Variants in ABHD12 observed in about 807,000 individuals in gnomAD.
ABHD12 encodes abhydrolase domain containing 12, lysophospholipase, also known as lysophosphatidylserine lipase ABHD12.
Under a neutral mutation model 58.3 loss-of-function variants are expected in ABHD12, and 43 were observed. That is an observed-to-expected ratio of 0.74 (90% CI 0.58 to 0.95). The LOEUF (loss-of-function observed/expected upper bound fraction) is 0.95, where lower values mean the gene tolerates loss of function less well. Among genes scored for constraint, ABHD12 ranks in the 40% least tolerant of loss-of-function variants. The probability of loss-of-function intolerance (pLI) is 0.00; values close to 1 mark genes in which losing one functional copy is unlikely to be tolerated. For synonymous variants in ABHD12, 219 were observed against 211.2 expected (o/e 1.04, Z -0.32); for missense variants, 539 against 537.2 (o/e 1.00, Z -0.03).
chr20:25,353,495 T>C (rs941151369), intron 1 of ABHD12, among the ~76,000 whole-genome samples: 3 of 152,192 alleles, frequency 2.0e-5, no homozygotes, highest in African/African-American at 7.2e-5. Context: ...TGGTTATTTA[T>C]GCAGCACTCA....
At chr20:25,299,066 C>T (rs984426099), downstream of ABHD12, among the ~76,000 whole-genome samples, 6 of 141,148 alleles carry the variant, frequency 4.3e-5, no homozygotes, top group African/African-American at 1.7e-4. Context: ...CACAGTGCAC[C>T]CTTCTCGCTC....
At chr20:25,354,049 G>C (rs1201184612) in intron 1 of ABHD12, among the ~76,000 whole-genome samples, 3 of 152,202 alleles carry the variant, frequency 2.0e-5, no homozygotes, top group African/African-American at 7.2e-5. Context: ...TGGAGACAAA[G>C]GAAGCCATCC....
intron 3 of ABHD12, among the ~76,000 whole-genome samples, chr20:25,322,618 C>T (rs975841504): frequency 6.6e-6 from 1 of 151,626 alleles, no homozygotes; most frequent in Admixed American, 6.6e-5. Flanking sequence ...CTCCTGATCT[C>T]AAGTGATCCA....
downstream of ABHD12, among the ~76,000 whole-genome samples, chr20:25,298,215 G>GCATCT (rs764300174): frequency 3.3e-5 from 5 of 152,166 alleles, no homozygotes; most frequent in Non-Finnish European, 7.3e-5. Context: ...AGAAAAGTTT[G>GCATCT]CATCTCCACT....
At chr20:25,322,381 A>ATATATATATATATATTTTTTTTTTTTT in intron 3 of ABHD12, among the ~76,000 whole-genome samples, 2 of 59,284 alleles carry the variant, frequency 3.4e-5, no homozygotes, top group African/African-American at 8.3e-5. Flanking sequence ...ATATATATAT[A>ATATATATATATATATTTTTTTTTTTTT]TTTTTTTTTT....
chr20:25,322,381 A>ATATTTTTTTTTT lies in ABHD12; in HGVS notation c.422+943_422+944insAAAAAAAAAATA. Among the ~76,000 whole-genome samples the ATATTTTTTTTTT allele has an allele frequency of 8.4e-4, 50 of 59,260 alleles. 2 individuals are homozygous for ATATTTTTTTTTT. The highest frequency in any genetic ancestry group is 1.4e-3 in the Non-Finnish European group (43 of 31,348). 38.9% of individuals were successfully genotyped at this position (59,260 alleles called of 152,430 possible). A position where few individuals can be genotyped will look rare whatever the true frequency, so the allele number is the denominator to read the frequency against. On this transcript the variant is annotated intron_variant, in intron 3 of 12. Coordinates refer to ENST00000339157, the MANE Select transcript of ABHD12 (RefSeq NM_001042472.3). ...GGAAAAGATATATATATATATATATATTTTTTTTTTTTTTTGAGACAAGAG... is the reference window on the plus strand; with the variant it reads ...GGAAAAGATATATATATATATATATATATTTTTTTTTTTTTTTTTTTTTTTTTGAGACAAGAG...
At chr20:25,330,697 AG>A (rs1439221091) in intron 2 of ABHD12, among the ~76,000 whole-genome samples, 1 of 152,190 alleles carries the variant, frequency 6.6e-6, no homozygotes, top group Non-Finnish European at 1.5e-5. Context: ...ACCCCCAGCA[AG>A]GGCAGACTGA....
At chr20:25,294,848 A>G in exon 13 of ABHD12, 1 of 1,042,672 alleles carries the variant, frequency 9.6e-7, no homozygotes, top group Non-Finnish European at 1.5e-6. Context: ...GCAGTTCTTC[A>G]CCGTTGGCAA....
intron 1 of ABHD12, among the ~76,000 whole-genome samples, chr20:25,351,615 T>C (rs2089600735): frequency 1.3e-5 from 2 of 152,246 alleles, no homozygotes; most frequent in Non-Finnish European, 2.9e-5. Context: ...CTAGGACTTT[T>C]ATTATCATTT....
chr20:25,305,904 G>A (rs538197514), intron 10 of ABHD12, among the ~76,000 whole-genome samples: 5 of 152,096 alleles, frequency 3.3e-5, no homozygotes, highest in South Asian at 4.2e-4. Flanking sequence ...AGTGGCTCAC[G>A]CCTGTAATCC....
intron 1 of ABHD12, among the ~76,000 whole-genome samples, chr20:25,383,523 C>A (rs2146137394): frequency 6.6e-6 from 1 of 152,320 alleles, no homozygotes; most frequent in African/African-American, 2.4e-5. Context: ...GAAAGGCCCA[C>A]AAAATCCCTC....
intron 1 of ABHD12, among the ~76,000 whole-genome samples, chr20:25,363,980 T>A (rs1022841355): frequency 2.0e-5 from 3 of 152,180 alleles, no homozygotes; most frequent in African/African-American, 7.2e-5. Context: ...AACACAAGCA[T>A]CTGCATTTTC....
intron 2 of ABHD12, among the ~76,000 whole-genome samples, chr20:25,325,611 C>T (rs2089161301): frequency 6.6e-6 from 1 of 152,090 alleles, no homozygotes; most frequent in Non-Finnish European, 1.5e-5. Context: ...CTTCTCCAAG[C>T]CGGGAATGCT....
exon 13 of ABHD12, chr20:25,294,894 C>G: frequency 6.6e-7 from 1 of 1,511,690 alleles, no homozygotes; most frequent in East Asian, 2.3e-5. Context: ...ATTCACCTGC[C>G]CTCCACTTTC....
chr20:25,322,826 G>C (rs984656029), intron 3 of ABHD12, among the ~76,000 whole-genome samples: 1 of 152,120 alleles, frequency 6.6e-6, no homozygotes, highest in Non-Finnish European at 1.5e-5. Context: ...GGAGTCAAGT[G>C]ATCCTCCTGC....
chr20:25,311,712 T>C (rs2088852447), intron 6 of ABHD12, among the ~76,000 whole-genome samples: 1 of 152,130 alleles, frequency 6.6e-6, no homozygotes, highest in African/African-American at 2.4e-5. Flanking sequence ...AATACACTTT[T>C]TGAAATTTTT....
At chr20:25,377,593 C>G (rs1428245294) in intron 1 of ABHD12, among the ~76,000 whole-genome samples, 1 of 152,164 alleles carries the variant, frequency 6.6e-6, no homozygotes, top group Non-Finnish European at 1.5e-5. Flanking sequence ...CTCATGATAA[C>G]TAACCCAAAC....
chr20:25,298,583 A>C (rs2088587319), downstream of ABHD12, among the ~76,000 whole-genome samples: 1 of 152,138 alleles, frequency 6.6e-6, no homozygotes. Flanking sequence ...AAATTCTATC[A>C]ATCAATCAAA....
At chr20:25,337,953 C>G (rs2089399880) in intron 2 of ABHD12, among the ~76,000 whole-genome samples, 1 of 152,160 alleles carries the variant, frequency 6.6e-6, no homozygotes, top group African/African-American at 2.4e-5. Context: ...TAGTATACTA[C>G]ATGTGTTTTA....
Sources: gnomAD v4.1 joint callset for allele counts (sites outside exome capture counted in the v4.1 genomes callset) on GRCh38, gnomAD v4.1.1 for gene constraint, MANE v1.5 for transcripts, NCBI Gene and HGNC (gene_info 2026-07-23, HGNC 2026-07-21) for gene names.